The following GRIP1 variants were observed in gnomAD, a reference collection of about 807,000 sequenced individuals.
GRIP1 encodes glutamate receptor interacting protein 1.
A neutral mutation model predicts 129.9 loss-of-function variants in GRIP1; 45 were observed. The observed-to-expected ratio is 0.35, with a 90% CI of 0.27 to 0.44. The LOEUF is 0.44. GRIP1 is among the 20% of genes least tolerant of loss of function. The pLI, the probability that GRIP1 is intolerant of heterozygous loss-of-function variation, is 1.00. For missense variants in GRIP1, 1,196 were observed against 1,396.8 expected (o/e 0.86, Z 2.29); for synonymous variants, 530 against 520.8 (o/e 1.02, Z -0.24).
rs1342141002 is a variant in GRIP1, at chr12:67,035,662, G to C, written c.58+33388C>G. 5 of 152,018 alleles carry C rather than the reference G, an allele frequency of 3.3e-5. No individual in the cohort carries two copies. In the East Asian group the frequency reaches 5.8e-4, roughly 18 times the overall value. 9.4% of individuals were successfully genotyped at this position (152,018 alleles called of 1,614,324 possible). On this transcript the variant is annotated intron_variant, in intron 1 of 1. Coordinates refer to the GRIP1 transcript ENST00000643019. ...AGTGGAGAGGTTAGCAATGATATGA[G>C]GCTGCCAAGAAGACATCAAAAATAC... is the stretch of plus-strand genomic sequence containing the variant.
chr12:66,740,383 G>C (rs1409394724), intron 1 of GRIP1, among the ~76,000 whole-genome samples: 1 of 152,184 alleles, frequency 6.6e-6, no homozygotes, highest in Admixed American at 6.5e-5. Flanking sequence ...GTCAGCATCA[G>C]CATCAGTGTA....
At chr12:66,356,081 C>G (rs958321340) in intron 23 of GRIP1, among the ~76,000 whole-genome samples, 1 of 152,188 alleles carries the variant, frequency 6.6e-6, no homozygotes, top group Admixed American at 6.5e-5. Flanking sequence ...CTTCTGGTAC[C>G]AGGGCCAGGC....
chr12:66,402,130 A>G (rs569902324), intron 16 of GRIP1, among the ~76,000 whole-genome samples: 1 of 152,284 alleles, frequency 6.6e-6, no homozygotes, highest in African/African-American at 2.4e-5. Flanking sequence ...TTTCTGCACC[A>G]CTTCACAAAT....
At chr12:66,357,527 T>C (rs1360765044) in intron 23 of GRIP1, among the ~76,000 whole-genome samples, 3 of 152,218 alleles carry the variant, frequency 2.0e-5, no homozygotes, top group African/African-American at 4.8e-5. Context: ...CTCATTCCTC[T>C]ATTGTAAGGG....
intron 7 of GRIP1, among the ~76,000 whole-genome samples, chr12:66,511,347 T>C (rs1327982133): frequency 6.6e-6 from 1 of 152,116 alleles, no homozygotes; most frequent in Non-Finnish European, 1.5e-5. Context: ...AGCATGAAAA[T>C]GGACTAATAC....
chr12:66,872,808 T>G (rs541298334), intron 1 of GRIP1, among the ~76,000 whole-genome samples: 2 of 152,208 alleles, frequency 1.3e-5, no homozygotes, highest in African/African-American at 2.4e-5. Flanking sequence ...CAGTTAACTA[T>G]GCTGTGAAAC....
intron 1 of GRIP1, among the ~76,000 whole-genome samples, chr12:66,952,130 G>T (rs1353844187): frequency 6.6e-6 from 1 of 152,120 alleles, no homozygotes; most frequent in Non-Finnish European, 1.5e-5. Context: ...CAGAGGAGGG[G>T]AGGGGAAAAG....
rs200100412 is a variant in GRIP1, at chr12:66,456,587, TTTC to T, written c.1043-248_1043-246del. Reference sequence around the variant, plus strand: ...ATGCATATCTTTCCTCAGCTCGTTTTTTCTTCTTTTAAGATGACTATTGAATCA... The same window carrying T: ...ATGCATATCTTTCCTCAGCTCGTTTTTTCTTTTAAGATGACTATTGAATCA... On this transcript the variant is annotated intron_variant, in intron 9 of 24. Coordinates refer to ENST00000359742, the MANE Select transcript of GRIP1 (RefSeq NM_001366722.1). 1.3e-4 allele frequency among the ~76,000 whole-genome samples: 20 copies of T among 152,298 alleles called. No homozygotes were observed. The East Asian group carries it at 3.9e-3, about 29-fold the overall frequency.
chr12:66,774,573 C>A (rs1342894545), intron 1 of GRIP1, among the ~76,000 whole-genome samples: 1 of 152,106 alleles, frequency 6.6e-6, no homozygotes, highest in Non-Finnish European at 1.5e-5. Flanking sequence ...GTAGACTTAA[C>A]TTTGGAGCCT....
intron 1 of GRIP1, among the ~76,000 whole-genome samples, chr12:66,929,989 G>C (rs2041361470): frequency 6.7e-6 from 1 of 148,770 alleles, no homozygotes; most frequent in South Asian, 2.1e-4. Context: ...CATTTGCTTG[G>C]CTTATTTTTT....
intron 1 of GRIP1, among the ~76,000 whole-genome samples, chr12:66,959,350 ATG>A (rs1308308158): frequency 6.6e-6 from 1 of 152,182 alleles, no homozygotes; most frequent in Non-Finnish European, 1.5e-5. Context: ...GAACTAAAAA[ATG>A]TGTTTACTTT....
intron 1 of GRIP1, among the ~76,000 whole-genome samples, chr12:66,649,613 A>G (rs1438357187): frequency 1.3e-5 from 2 of 152,234 alleles, no homozygotes; most frequent in African/African-American, 4.8e-5. Flanking sequence ...AAGGAAAGGC[A>G]TGCTAAATGC....
chr12:66,521,904 C>A (rs1391666853), intron 5 of GRIP1, among the ~76,000 whole-genome samples: 2 of 152,210 alleles, frequency 1.3e-5, no homozygotes, highest in East Asian at 3.9e-4. Flanking sequence ...TCGCTGATTG[C>A]TAGCACAGCA....
intron 1 of GRIP1, among the ~76,000 whole-genome samples, chr12:66,882,729 T>C (rs1215008220): frequency 6.6e-6 from 1 of 152,180 alleles, no homozygotes; most frequent in African/African-American, 2.4e-5. Context: ...ATCACAATAA[T>C]AACATTCTGC....
At chr12:66,657,247 G>T (rs529471982) in intron 1 of GRIP1, among the ~76,000 whole-genome samples, 74 of 151,808 alleles carry the variant, frequency 4.9e-4, no homozygotes, top group Admixed American at 2.9e-3. Flanking sequence ...ATGATGATGA[G>T]AAGTAGCTGT....
At chr12:66,524,289 C>A (rs558960909) in intron 5 of GRIP1, among the ~76,000 whole-genome samples, 1 of 152,202 alleles carries the variant, frequency 6.6e-6, no homozygotes, top group African/African-American at 2.4e-5. Context: ...TAAAGCACCC[C>A]TCAGCAAATG....
At chr12:66,806,799 AT>A (rs60559989), upstream of GRIP1, among the ~76,000 whole-genome samples, 366 of 145,552 alleles carry the variant, frequency 2.5e-3, 1 homozygote, top group Admixed American at 4.1e-3. Flanking sequence ...ATAAGCACCT[AT>A]TTTTTTTTTT....
At chr12:66,909,983 T>G (rs997000035) in intron 1 of GRIP1, among the ~76,000 whole-genome samples, 2 of 152,188 alleles carry the variant, frequency 1.3e-5, no homozygotes, top group Non-Finnish European at 2.9e-5. Flanking sequence ...AAGCAGATTA[T>G]AATCAATCAC....
intron 1 of GRIP1, among the ~76,000 whole-genome samples, chr12:66,611,316 G>A (rs149129134): frequency 2.0e-5 from 3 of 151,954 alleles, no homozygotes; most frequent in East Asian, 1.9e-4. Context: ...AAATCTACTA[G>A]GTCAAAAAAT....
Sources: allele counts gnomAD v4.1 joint callset (sites outside exome capture counted in the v4.1 genomes callset), GRCh38; gene constraint gnomAD v4.1.1; transcripts MANE v1.5; gene names NCBI Gene and HGNC (gene_info 2026-07-23, HGNC 2026-07-21).